The following DLGAP2 variants were observed in gnomAD, a reference collection of about 807,000 sequenced individuals.
DLGAP2 encodes the protein disks large-associated protein 2.
Under a neutral mutation model 100.3 loss-of-function variants are expected in DLGAP2, and 26 were observed. The observed-to-expected ratio is 0.26, with a 90% CI of 0.19 to 0.36. The LOEUF is 0.36. Ranked by LOEUF, DLGAP2 falls within the 10% of genes least tolerant of loss-of-function variation. DLGAP2 has a pLI of 1.00. For synonymous variants in DLGAP2, 886 were observed against 630.1 expected (o/e 1.41, Z -6.08); for missense variants, 1,858 against 1,453.2 (o/e 1.28, Z -4.53).
chr8:1,093,621 A>G (rs1804262030), intron 2 of DLGAP2, among the ~76,000 whole-genome samples: 1 of 152,036 alleles, frequency 6.6e-6, no homozygotes, highest in Non-Finnish European at 1.5e-5. Context: ...CTTCACACCG[A>G]CAGCCAGACA....
At chr8:1,407,783 C>A (rs7835814) in intron 3 of DLGAP2, among the ~76,000 whole-genome samples, 1 of 148,354 alleles carries the variant, frequency 6.7e-6, no homozygotes. Flanking sequence ...CTGAGCGCCA[C>A]CTCCTCATCC....
At chr8:1,454,336 G>A (rs1383603359) in intron 3 of DLGAP2, among the ~76,000 whole-genome samples, 1 of 151,882 alleles carries the variant, frequency 6.6e-6, no homozygotes, top group African/African-American at 2.4e-5. Context: ...ACACAGTGAG[G>A]TTTTTCTTCC....
chr8:1,331,403 G>C (rs983251551), intron 3 of DLGAP2, among the ~76,000 whole-genome samples: 1 of 152,156 alleles, frequency 6.6e-6, no homozygotes, highest in Non-Finnish European at 1.5e-5. Context: ...ACTCGAGCCT[G>C]AAATGTGTCC....
intron 2 of DLGAP2, among the ~76,000 whole-genome samples, chr8:1,095,945 A>T (rs564759535): frequency 6.6e-6 from 1 of 152,228 alleles, no homozygotes; most frequent in African/African-American, 2.4e-5. Context: ...CACCAAAACT[A>T]TCTAACAATT....
chr8:907,343 C>T (rs946561087), intron 1 of DLGAP2, among the ~76,000 whole-genome samples: 2 of 152,194 alleles, frequency 1.3e-5, no homozygotes, highest in Non-Finnish European at 2.9e-5. Flanking sequence ...TTTTATGTTG[C>T]TGAATCTTGG....
At chr8:1,288,013 AG>A in intron 3 of DLGAP2, among the ~76,000 whole-genome samples, 1 of 89,436 alleles carries the variant, frequency 1.1e-5, no homozygotes, top group African/African-American at 5.1e-5. Context: ...TGGTTCTGTT[AG>A]GGGGACTAGT....
intron 2 of DLGAP2, among the ~76,000 whole-genome samples, chr8:1,203,523 G>A (rs74979201): frequency 2.4e-3 from 362 of 152,300 alleles, no homozygotes; most frequent in African/African-American, 7.8e-3. Flanking sequence ...ACCCTTCTCA[G>A]CGATCTCTGT....
chr8:1,436,807 T>C (rs555386674), intron 3 of DLGAP2, among the ~76,000 whole-genome samples: 36 of 152,280 alleles, frequency 2.4e-4, no homozygotes, highest in Non-Finnish European at 4.4e-4. Context: ...GTTCCATTCA[T>C]GGTGAGTGTC....
At chr8:1,557,067 C>G (rs142382625) in intron 5 of DLGAP2, among the ~76,000 whole-genome samples, 1 of 152,088 alleles carries the variant, frequency 6.6e-6, no homozygotes, top group Admixed American at 6.5e-5. Context: ...TTGTGGGGTA[C>G]GTCTTATGCA....
At chr8:1,213,248 C>T (rs865792322) in intron 2 of DLGAP2, among the ~76,000 whole-genome samples, 12 of 152,246 alleles carry the variant, frequency 7.9e-5, no homozygotes, top group African/African-American at 2.9e-4. Context: ...ATCTGCAAGT[C>T]AACAACAGGC....
chr8:1,649,580 G>C (rs868181843), intron 8 of DLGAP2, among the ~76,000 whole-genome samples: 2 of 152,200 alleles, frequency 1.3e-5, no homozygotes, highest in Non-Finnish European at 2.9e-5. Flanking sequence ...CTTGGATGGT[G>C]AGATCTGTAT....
chr8:1,214,294 C>T (rs369571567), intron 2 of DLGAP2, among the ~76,000 whole-genome samples: 1 of 152,236 alleles, frequency 6.6e-6, no homozygotes, highest in East Asian at 1.9e-4. Flanking sequence ...AGCTCCAGGA[C>T]AAAAGCTCAC....
chr8:932,753 T>G (rs917804780), intron 2 of DLGAP2, among the ~76,000 whole-genome samples: 1 of 152,228 alleles, frequency 6.6e-6, no homozygotes, highest in South Asian at 2.1e-4. Flanking sequence ...AAAGAGTATG[T>G]AGGAATTCCC....
intron 4 of DLGAP2, among the ~76,000 whole-genome samples, chr8:1,521,956 C>T (rs567063422): frequency 9.8e-5 from 13 of 133,042 alleles, no homozygotes; most frequent in East Asian, 6.7e-4. Flanking sequence ...TTGGAATACT[C>T]GGCAGCTGAT....
chr8:1,558,054 A>G (rs1386642182), intron 5 of DLGAP2, among the ~76,000 whole-genome samples: 1 of 152,030 alleles, frequency 6.6e-6, no homozygotes, highest in Non-Finnish European at 1.5e-5. Context: ...ATTGGCTGGC[A>G]CCTCCTGGCA....
chr8:1,504,145 C>A (rs1432084451), intron 4 of DLGAP2, among the ~76,000 whole-genome samples: 1 of 151,256 alleles, frequency 6.6e-6, no homozygotes, highest in East Asian at 1.9e-4. Context: ...CAGGCCCCAC[C>A]TGATGTATTT....
intron 2 of DLGAP2, among the ~76,000 whole-genome samples, chr8:1,063,264 C>G (rs988337843): frequency 6.6e-6 from 1 of 152,184 alleles, no homozygotes; most frequent in African/African-American, 2.4e-5. Flanking sequence ...GTGGACTGTC[C>G]TCTGTTCTGT....
chr8:1,414,314 G>A (rs1796817913), intron 3 of DLGAP2, among the ~76,000 whole-genome samples: 3 of 152,240 alleles, frequency 2.0e-5, no homozygotes, highest in South Asian at 4.1e-4. Flanking sequence ...ACAGTTGTCA[G>A]AATGAGGCCA....
intron 2 of DLGAP2, among the ~76,000 whole-genome samples, chr8:1,183,881 G>A (rs542734984): frequency 1.4e-4 from 21 of 152,288 alleles, no homozygotes; most frequent in Non-Finnish European, 2.4e-4. Context: ...ATTATTTAAG[G>A]TCTCTGAGCC....
Sources: gnomAD v4.1 joint callset for allele counts (sites outside exome capture counted in the v4.1 genomes callset) on GRCh38, gnomAD v4.1.1 for gene constraint, MANE v1.5 for transcripts, NCBI Gene and HGNC (gene_info 2026-07-23, HGNC 2026-07-21) for gene names.